Variants in GRK5 observed in about 807,000 individuals in gnomAD.
GRK5 encodes g protein-coupled receptor kinase GRK5.
GRK5 carries 40 observed loss-of-function variants against 78.4 expected under a neutral mutation model. The observed-to-expected ratio is 0.51, with a 90% CI of 0.40 to 0.66. The LOEUF (loss-of-function observed/expected upper bound fraction) is 0.66. Among genes scored for constraint, GRK5 ranks in the 30% least tolerant of loss-of-function variants. GRK5 has a pLI of 0.00. For missense variants in GRK5, 598 were observed against 759.9 expected (o/e 0.79, Z 2.50); for synonymous variants, 289 against 296.8 (o/e 0.97, Z 0.27).
chr10:119,238,575 A>G lies in GRK5; in HGVS notation c.52+30606A>G, dbSNP rs1848970106. On this transcript the variant is annotated intron_variant, in intron 1 of 15. Transcript: ENST00000392870. This position sits in a 1 kb window ranked among gnomAD's most constrained non-coding sequence, Gnocchi z 4.7. ...TGGATCCTTTGGCTTCTTGGACAAT[A>G]TGCAGGAAAACACCCGCCTTCTCTT... Among the ~76,000 whole-genome samples the G allele has an allele frequency of 6.6e-6, 1 of 152,182 alleles. No homozygotes were observed. The highest frequency in any genetic ancestry group is 2.4e-5 in the African/African-American group (1 of 41,438).
intron 2 of GRK5, chr10:119,333,967 G>C (rs1177233222): frequency 2.4e-6 from 1 of 419,924 alleles, no homozygotes; most frequent in Non-Finnish European, 4.8e-6. Flanking sequence ...ATCTCTCTGC[G>C]AGCTCCCTGA....
At chr10:119,305,289 G>A (rs771735421) in intron 1 of GRK5, among the ~76,000 whole-genome samples, 1 of 152,194 alleles carries the variant, frequency 6.6e-6, no homozygotes, top group Non-Finnish European at 1.5e-5. Flanking sequence ...GGACATGTCA[G>A]GTGTGTCTCA....
intron 1 of GRK5, among the ~76,000 whole-genome samples, chr10:119,294,301 C>T (rs1379178767): frequency 6.6e-6 from 1 of 152,174 alleles, no homozygotes; most frequent in African/African-American, 2.4e-5. Context: ...TGATCCAACC[C>T]AGCAGGTGCT....
chr10:119,292,031 TCTC>T (rs1487728478), intron 1 of GRK5, among the ~76,000 whole-genome samples: 113 of 47,068 alleles, frequency 2.4e-3, no homozygotes, highest in Middle Eastern at 0.026. Flanking sequence ...TCCTCCTTCT[TCTC>T]CTCCTCTTCC....
chr10:119,331,483 C>T (rs181148686), intron 2 of GRK5, among the ~76,000 whole-genome samples: 1 of 152,310 alleles, frequency 6.6e-6, no homozygotes, highest in Non-Finnish European at 1.5e-5. Context: ...TTTCCTAGAC[C>T]AATACACAAA....
rs1853310328 is a variant in GRK5, at chr10:119,452,599, C to T, written c.1405-72C>T. The T allele has an allele frequency of 1.3e-6, 2 of 1,589,402 alleles. No homozygotes were observed. Among genetic ancestry groups the T allele is most frequent in the Admixed American group, 3.4e-5 (2 of 59,224 alleles). On this transcript the variant is annotated intron_variant, in intron 13 of 15. Coordinates refer to ENST00000392870, the MANE Select transcript of GRK5 (RefSeq NM_005308.3). This position sits in a 1 kb window ranked among gnomAD's most constrained non-coding sequence, Gnocchi z 4.4. ...AAGACTCCCTTCTGCTCCCCAAAAC[C>T]CCAAGGCCTGGCTCGGGGCCACTGG...
chr10:119,413,378 G>T (rs189702704), intron 4 of GRK5, among the ~76,000 whole-genome samples: 1 of 151,022 alleles, frequency 6.6e-6, no homozygotes, highest in African/African-American at 2.4e-5. Flanking sequence ...CTTCTTTCCT[G>T]CTGTGAACGT....
At chr10:119,251,030 T>C (rs1365022274) in intron 1 of GRK5, among the ~76,000 whole-genome samples, 2 of 152,140 alleles carry the variant, frequency 1.3e-5, no homozygotes, top group African/African-American at 2.4e-5. Context: ...CCTGACCTTG[T>C]GCATGAGGGG....
intron 1 of GRK5, among the ~76,000 whole-genome samples, chr10:119,277,308 T>A (rs1375684166): frequency 6.6e-6 from 1 of 152,148 alleles, no homozygotes. Flanking sequence ...TGCTTCCCAG[T>A]GGCTCTCCAA....
chr10:119,360,489 TG>T (rs11353327), intron 2 of GRK5, among the ~76,000 whole-genome samples: 10,063 of 149,556 alleles, frequency 0.067, 723 homozygotes, highest in African/African-American at 0.18. Flanking sequence ...GGGAGGAGCC[TG>T]TGCGAGAGGG....
intron 1 of GRK5, among the ~76,000 whole-genome samples, chr10:119,219,267 G>A (rs1392542960): frequency 6.6e-6 from 1 of 152,092 alleles, no homozygotes; most frequent in Non-Finnish European, 1.5e-5. Flanking sequence ...GGAGTGCAGT[G>A]GCACCATCAT....
intron 6 of GRK5, among the ~76,000 whole-genome samples, chr10:119,427,482 G>T (rs1352781008): frequency 2.7e-5 from 4 of 150,290 alleles, no homozygotes; most frequent in African/African-American, 9.9e-5. Flanking sequence ...ACCATCATCA[G>T]CATCACCGCC....
chr10:119,296,038 G>A (rs923922426), intron 1 of GRK5, among the ~76,000 whole-genome samples: 1 of 152,230 alleles, frequency 6.6e-6, no homozygotes, highest in Non-Finnish European at 1.5e-5. Context: ...AATAGCAAAT[G>A]TTTATCATCC....
chr10:119,388,735 T>C (rs561997096), intron 3 of GRK5, among the ~76,000 whole-genome samples: 1 of 152,262 alleles, frequency 6.6e-6, no homozygotes, highest in Non-Finnish European at 1.5e-5. Flanking sequence ...GGCTTTGCGA[T>C]GTGCTGTTGG....
intron 1 of GRK5, among the ~76,000 whole-genome samples, chr10:119,311,534 C>T (rs1414827516): frequency 6.6e-6 from 1 of 152,174 alleles, no homozygotes; most frequent in African/African-American, 2.4e-5. Context: ...CACCTGTAAT[C>T]CCAGCAATTT....
At chr10:119,448,900 G>T (rs936869831) in intron 13 of GRK5, among the ~76,000 whole-genome samples, 1 of 152,232 alleles carries the variant, frequency 6.6e-6, no homozygotes, top group East Asian at 1.9e-4. Context: ...AGGCCCAAGA[G>T]ATGCAGACCA....
Position 119,455,173 on chromosome 10 carries a change from C to T in GRK5, c.*106C>T, listed in dbSNP as rs752869132. The T allele has an allele frequency of 1.9e-5, 17 of 907,998 alleles. No homozygotes were observed. The East Asian group carries it at 2.0e-4, about 11-fold the overall frequency. The allele number at this position is 907,998 out of a possible 1,614,324, so 56.2% of individuals were successfully genotyped here. Reference sequence around the variant, plus strand: ...CTGGTGGGGCTGCCAGGGGAGACCCCGGGAGCCGGGGAAGGAGGCCGTCCA... The same window carrying T: ...CTGGTGGGGCTGCCAGGGGAGACCCTGGGAGCCGGGGAAGGAGGCCGTCCA... On this transcript the variant is annotated 3_prime_UTR_variant, in exon 16 of 16. Coordinates refer to ENST00000392870, the MANE Select transcript of GRK5 (RefSeq NM_005308.3).
chr10:119,386,956 C>T lies in GRK5; in HGVS notation c.261+6029C>T, dbSNP rs140619414. ...GGAGCTTTTAAAAATAACCTGTCCT[C>T]GTTGGACTCTGATGTAGTCCCTGGG... On this transcript the variant is annotated intron_variant, in intron 3 of 15. Transcript: ENST00000392870. 3.9e-5 allele frequency among the ~76,000 whole-genome samples: 6 copies of T among 152,184 alleles called. No homozygotes were observed. The East Asian group carries it at 7.7e-4, about 20-fold the overall frequency.
intron 9 of GRK5, among the ~76,000 whole-genome samples, chr10:119,437,211 T>G (rs917112677): frequency 2.0e-5 from 3 of 152,190 alleles, no homozygotes; most frequent in African/African-American, 7.2e-5. Context: ...GGCCGCTATC[T>G]GGGATCAGTC....
Sources: allele counts gnomAD v4.1 joint callset (sites outside exome capture counted in the v4.1 genomes callset), GRCh38; gene constraint gnomAD v4.1.1; non-coding constraint Gnocchi (gnomAD v3.1); transcripts MANE v1.5; gene names NCBI Gene and HGNC (gene_info 2026-07-23, HGNC 2026-07-21).